The following LHFPL6 variants were observed in gnomAD, a reference collection of about 807,000 sequenced individuals.
LHFPL6 encodes the protein LHFPL tetraspan subfamily member 6 protein.
In LHFPL6, 9 loss-of-function variants were observed where a neutral mutation model predicts 20.6. The ratio of observed to expected loss-of-function variants is 0.44; its 90% CI spans 0.26 to 0.76. LHFPL6 has a LOEUF of 0.76. Among genes scored for constraint, LHFPL6 ranks in the 30% least tolerant of loss-of-function variants. LHFPL6 has a pLI of 0.20. For missense variants in LHFPL6, 218 were observed against 253.5 expected, an observed-to-expected ratio of 0.86 and a Z score of 0.95; for synonymous variants, 105 against 98.7, an observed-to-expected ratio of 1.06 and a Z score of -0.38.
intron 3 of LHFPL6, among the ~76,000 whole-genome samples, chr13:39,374,077 C>T (rs767877836): frequency 3.9e-5 from 6 of 152,120 alleles, no homozygotes; most frequent in Non-Finnish European, 8.8e-5. Flanking sequence ...ATGTACCCCA[C>T]ATGTTCATCA....
At chr13:39,461,872 C>G (rs1872696250) in intron 2 of LHFPL6, among the ~76,000 whole-genome samples, 2 of 152,258 alleles carry the variant, frequency 1.3e-5, no homozygotes, top group South Asian at 4.1e-4. Context: ...CAGGCATTTG[C>G]CATGTCATCA....
chr13:39,536,270 G>C (rs1870615852), intron 2 of LHFPL6, among the ~76,000 whole-genome samples: 2 of 152,174 alleles, frequency 1.3e-5, no homozygotes. Flanking sequence ...TATGAAGGTA[G>C]GGGAAAAAGA....
At chr13:39,361,857 TG>T (rs1869879414) in intron 3 of LHFPL6, among the ~76,000 whole-genome samples, 1 of 152,184 alleles carries the variant, frequency 6.6e-6, no homozygotes, top group African/African-American at 2.4e-5. Flanking sequence ...AGAATGTTAT[TG>T]TTAGGAATTA....
chr13:39,569,525 T>G (rs1871846764), intron 2 of LHFPL6, among the ~76,000 whole-genome samples: 1 of 152,156 alleles, frequency 6.6e-6, no homozygotes, highest in Non-Finnish European at 1.5e-5. Context: ...CCTAAAAAAC[T>G]TACTCAAGAA....
In LHFPL6 at chr13:39,593,520, G is replaced by A. The variant is rs1391190487; in HGVS notation, c.385+7312C>T. Among the ~76,000 whole-genome samples the A allele has an allele frequency of 3.3e-5, 5 of 151,616 alleles. No homozygotes were observed. In the South Asian group the frequency reaches 1.0e-3, roughly 32 times the overall value. ...CTCATGGGTAGGAAGAATCAATATC[G>A]TGAAAATGGCCATACTGCCCAAGGT... On this transcript the variant is annotated intron_variant, in intron 2 of 3. Coordinates refer to ENST00000379589, the MANE Select transcript of LHFPL6 (RefSeq NM_005780.3).
intron 3 of LHFPL6, among the ~76,000 whole-genome samples, chr13:39,369,385 T>A (rs1887475): frequency 0.77 from 116,885 of 152,020 alleles, 45,968 homozygotes; most frequent in Middle Eastern, 0.88. Context: ...TTTCCACCTA[T>A]CAGGGTATCT....
chr13:39,559,851 T>G (rs1871416913), intron 2 of LHFPL6, among the ~76,000 whole-genome samples: 1 of 152,262 alleles, frequency 6.6e-6, no homozygotes, highest in Non-Finnish European at 1.5e-5. Context: ...TGGGGAGTAC[T>G]ACGGCAGTCC....
intron 2 of LHFPL6, among the ~76,000 whole-genome samples, chr13:39,487,790 A>C (rs1247185989): frequency 6.6e-6 from 1 of 152,124 alleles, no homozygotes; most frequent in East Asian, 1.9e-4. Context: ...TCACACCTGT[A>C]ATCCCAGCAC....
intron 2 of LHFPL6, among the ~76,000 whole-genome samples, chr13:39,512,235 T>C (rs1249863885): frequency 6.6e-6 from 1 of 152,206 alleles, no homozygotes; most frequent in Admixed American, 6.5e-5. Context: ...TGCAGCTCTA[T>C]GTGAAACGTT....
rs189147392 is a variant in LHFPL6, at chr13:39,512,459, G to A, written c.385+88373C>T. 1.9e-3 allele frequency among the ~76,000 whole-genome samples: 292 copies of A among 152,078 alleles called. 1 individual carries two copies. The highest frequency in any genetic ancestry group is 6.7e-3 in the African/African-American group (277 of 41,474). ...CTACTAAAAATACAAAAAATTAGCC[G>A]GGCATGGTGGCGGGCCCCTGTAGTC... On this transcript the variant is annotated intron_variant, in intron 2 of 3. Coordinates refer to ENST00000379589, the MANE Select transcript of LHFPL6 (RefSeq NM_005780.3).
At chr13:39,577,671 G>A (rs1030092373) in intron 2 of LHFPL6, among the ~76,000 whole-genome samples, 1 of 151,572 alleles carries the variant, frequency 6.6e-6, no homozygotes, top group African/African-American at 2.4e-5. Flanking sequence ...TCACTCTGTC[G>A]CCCACGCTAG....
chr13:39,393,023 G>A (rs939557117), intron 2 of LHFPL6, among the ~76,000 whole-genome samples: 3 of 151,946 alleles, frequency 2.0e-5, no homozygotes, highest in Admixed American at 1.3e-4. Flanking sequence ...TATTATATTA[G>A]GTATTACAAG....
chr13:39,595,221 C>T (rs1872734652), intron 2 of LHFPL6, among the ~76,000 whole-genome samples: 1 of 152,200 alleles, frequency 6.6e-6, no homozygotes, highest in Admixed American at 6.5e-5. Flanking sequence ...CCTCAACATC[C>T]TTGCTTTTAA....
chr13:39,367,297 C>T (rs766419795), intron 3 of LHFPL6, among the ~76,000 whole-genome samples: 3 of 152,006 alleles, frequency 2.0e-5, no homozygotes, highest in Non-Finnish European at 4.4e-5. Flanking sequence ...TCATTTGTAC[C>T]CCAAACCCCA....
chr13:39,489,593 T>C (rs528031933), intron 2 of LHFPL6, among the ~76,000 whole-genome samples: 1 of 151,746 alleles, frequency 6.6e-6, no homozygotes, highest in East Asian at 2.0e-4. Context: ...CTCGCTCTGT[T>C]ACCCAGGCTG....
At chr13:39,551,173 A>C (rs1283566677) in intron 2 of LHFPL6, among the ~76,000 whole-genome samples, 2 of 152,106 alleles carry the variant, frequency 1.3e-5, no homozygotes, top group Non-Finnish European at 2.9e-5. Flanking sequence ...CAGAGTGGGT[A>C]ATTTATAGAG....
At chr13:39,476,709 A>C (rs1046629982) in intron 2 of LHFPL6, among the ~76,000 whole-genome samples, 2 of 152,260 alleles carry the variant, frequency 1.3e-5, no homozygotes, top group African/African-American at 4.8e-5. Context: ...GGTCTGAAGA[A>C]TCTGTAAACC....
At chr13:39,477,412 A>AG (rs1281683654) in intron 2 of LHFPL6, among the ~76,000 whole-genome samples, 1 of 152,182 alleles carries the variant, frequency 6.6e-6, no homozygotes, top group Non-Finnish European at 1.5e-5. Flanking sequence ...CTCTACCACA[A>AG]GAATTATAGA....
chr13:39,450,678 A>G (rs145704320), intron 2 of LHFPL6, among the ~76,000 whole-genome samples: 1 of 152,236 alleles, frequency 6.6e-6, no homozygotes, highest in East Asian at 1.9e-4. Flanking sequence ...TTGAACCACT[A>G]AATAGTGGGG....
Sources: allele counts gnomAD v4.1 joint callset (sites outside exome capture counted in the v4.1 genomes callset), GRCh38; gene constraint gnomAD v4.1.1; transcripts MANE v1.5; gene names NCBI Gene and HGNC (gene_info 2026-07-23, HGNC 2026-07-21).